THSD7A: variants seen among roughly 807,000 people sequenced by gnomAD.
The protein encoded by THSD7A is thrombospondin type 1 domain containing 7A.
A neutral mutation model predicts 231.3 loss-of-function variants in THSD7A; 96 were observed. The observed-to-expected ratio is 0.41, with a 90% CI of 0.35 to 0.49. The LOEUF (loss-of-function observed/expected upper bound fraction) is 0.49, where lower values mean the gene tolerates loss of function less well. Ranked by LOEUF, THSD7A falls within the 20% of genes least tolerant of loss-of-function variation. The pLI, the probability that THSD7A is intolerant of heterozygous loss-of-function variation, is 0.05. For synonymous variants in THSD7A, 940 were observed against 743.3 expected (o/e 1.26, Z -4.30); for missense variants, 2,290 against 2,070.2 (o/e 1.11, Z -2.06).
intron 13 of THSD7A, among the ~76,000 whole-genome samples, chr7:11,440,478 T>G (rs966122789): frequency 6.6e-6 from 1 of 152,010 alleles, no homozygotes; most frequent in Non-Finnish European, 1.5e-5. Context: ...TGAAAACCTC[T>G]GGAAAGGATT....
intron 1 of THSD7A, among the ~76,000 whole-genome samples, chr7:11,729,193 G>C (rs1025055898): frequency 1.3e-5 from 2 of 151,792 alleles, no homozygotes; most frequent in Admixed American, 1.3e-4. Context: ...TGGGAAGGTT[G>C]TTCATTGTGG....
intron 1 of THSD7A, among the ~76,000 whole-genome samples, chr7:11,706,949 T>C (rs764621233): frequency 6.6e-6 from 1 of 150,754 alleles, no homozygotes; most frequent in Non-Finnish European, 1.5e-5. Flanking sequence ...TTATCACTGA[T>C]GTAATTTTTC....
intron 11 of THSD7A, 91 bp downstream of exon 11, chr7:11,460,571 T>C (rs1257995168): frequency 1.0e-6 from 1 of 956,160 alleles, no homozygotes; most frequent in East Asian, 2.7e-5. Flanking sequence ...TTGCTCTGTT[T>C]GCTAAGCATG....
chr7:11,820,164 G>A (rs997786425), intron 1 of THSD7A, among the ~76,000 whole-genome samples: 3 of 152,156 alleles, frequency 2.0e-5, no homozygotes, highest in African/African-American at 7.2e-5. Flanking sequence ...GCAGCGCCAG[G>A]GATGCCTCCC....
At chr7:11,801,980 G>A (rs1784290032) in intron 1 of THSD7A, among the ~76,000 whole-genome samples, 1 of 152,082 alleles carries the variant, frequency 6.6e-6, no homozygotes, top group Admixed American at 6.6e-5. Flanking sequence ...TTCAGAGTAA[G>A]TATTTCAATA....
At chr7:11,471,130 A>G (rs1035067852) in intron 8 of THSD7A, among the ~76,000 whole-genome samples, 6 of 151,970 alleles carry the variant, frequency 3.9e-5, no homozygotes, top group African/African-American at 1.4e-4. Context: ...AAAGTAAAAT[A>G]TAATAATATC....
chr7:11,524,065 T>G (rs1476218897), intron 6 of THSD7A, among the ~76,000 whole-genome samples: 1 of 152,180 alleles, frequency 6.6e-6, no homozygotes, highest in African/African-American at 2.4e-5. Flanking sequence ...TTTATTTATT[T>G]TAGTATGCAG....
At chr7:11,688,612 T>C (rs553338538) in intron 1 of THSD7A, among the ~76,000 whole-genome samples, 2 of 151,922 alleles carry the variant, frequency 1.3e-5, no homozygotes, top group East Asian at 3.9e-4. Flanking sequence ...AGCCAGCAGC[T>C]TTGTAGGGAA....
intron 1 of THSD7A, among the ~76,000 whole-genome samples, chr7:11,706,228 G>C (rs1252856049): frequency 1.3e-5 from 2 of 150,838 alleles, no homozygotes; most frequent in East Asian, 2.0e-4. Context: ...ATCTCTTATT[G>C]ATACAGCTAG....
chr7:11,775,495 A>G (rs1333166558), intron 1 of THSD7A, among the ~76,000 whole-genome samples: 1 of 152,220 alleles, frequency 6.6e-6, no homozygotes, highest in Non-Finnish European at 1.5e-5. Flanking sequence ...TGTACATACA[A>G]TGAAAAATTA....
chr7:11,486,016 C>A (rs1786641636), intron 6 of THSD7A, among the ~76,000 whole-genome samples: 1 of 152,134 alleles, frequency 6.6e-6, no homozygotes, highest in African/African-American at 2.4e-5. Context: ...TTCAGCATTC[C>A]AGGCATAAGT....
intron 17 of THSD7A, among the ~76,000 whole-genome samples, chr7:11,416,836 T>C (rs528742542): frequency 1.4e-3 from 210 of 152,264 alleles, no homozygotes; most frequent in African/African-American, 4.7e-3. Context: ...CTACTGGCTG[T>C]TGAAATATAG....
chr7:11,432,269 C>G (rs1313767317), intron 13 of THSD7A, among the ~76,000 whole-genome samples: 1 of 151,894 alleles, frequency 6.6e-6, no homozygotes, highest in Admixed American at 6.6e-5. Flanking sequence ...AAGATACAGA[C>G]AGAACCAAAA....
chr7:11,590,775 A>G lies in THSD7A; in HGVS notation c.1272-134T>C, dbSNP rs1326390479. On this transcript the variant is annotated intron_variant, in intron 3 of 27. Transcript: ENST00000423059. The surrounding 1 kb of genome is among the most constrained non-coding windows in gnomAD (Gnocchi z 4.4). ...AGAGAATCCATCGTAGACTACATCT[A>G]TGGTGCATATTTGGTTTCAACTCCT... 1.1e-5 allele frequency: 12 copies of G among 1,043,798 alleles called. No homozygotes were observed. In the East Asian group the frequency reaches 1.4e-4, roughly 12 times the overall value. 64.7% of individuals were successfully genotyped at this position (1,043,798 alleles called of 1,614,324 possible).
intron 6 of THSD7A, among the ~76,000 whole-genome samples, chr7:11,506,671 A>G (rs1173278741): frequency 6.6e-6 from 1 of 152,080 alleles, no homozygotes; most frequent in East Asian, 1.9e-4. Context: ...TTTCAGCTTT[A>G]CTGGCCTTTC....
intron 1 of THSD7A, among the ~76,000 whole-genome samples, chr7:11,805,541 C>T (rs1784377503): frequency 6.6e-6 from 1 of 152,064 alleles, no homozygotes; most frequent in African/African-American, 2.4e-5. Flanking sequence ...CTGTAACATT[C>T]TTTCACACTT....
At chr7:11,396,025 C>G (rs184833040) in intron 23 of THSD7A, among the ~76,000 whole-genome samples, 57 of 152,274 alleles carry the variant, frequency 3.7e-4, no homozygotes, top group African/African-American at 1.2e-3. Flanking sequence ...AACTGAACAA[C>G]CTGCTCCTGA....
chr7:11,774,594 A>G (rs140308943), intron 1 of THSD7A, among the ~76,000 whole-genome samples: 335 of 152,286 alleles, frequency 2.2e-3, no homozygotes, highest in African/African-American at 7.8e-3. Context: ...TGGTATAACA[A>G]TCAAGCACAT....
At chr7:11,701,628 TG>T (rs1780603656) in intron 1 of THSD7A, among the ~76,000 whole-genome samples, 2 of 151,286 alleles carry the variant, frequency 1.3e-5, no homozygotes, top group Admixed American at 1.3e-4. Flanking sequence ...ATAAATAACC[TG>T]GGGTCTTGTT....
Sources: gnomAD v4.1 joint callset for allele counts (sites outside exome capture counted in the v4.1 genomes callset) on GRCh38, gnomAD v4.1.1 for gene constraint, Gnocchi (gnomAD v3.1) non-coding constraint, MANE v1.5 for transcripts, NCBI Gene and HGNC (gene_info 2026-07-23, HGNC 2026-07-21) for gene names.